Variants in EFCAB6 observed in about 807,000 individuals in gnomAD.
The protein encoded by EFCAB6 is EF-hand calcium binding domain 6.
EFCAB6 carries 156 observed loss-of-function variants against 169.8 expected under a neutral mutation model. The ratio of observed to expected loss-of-function variants is 0.92; its 90% confidence interval spans 0.81 to 1.05. The LOEUF (loss-of-function observed/expected upper bound fraction) is 1.05. Among genes scored for constraint, EFCAB6 ranks in the 50% least tolerant of loss-of-function variants. The pLI, the probability that EFCAB6 is intolerant of heterozygous loss-of-function variation, is 0.00. For synonymous variants in EFCAB6, 698 were observed against 676.4 expected (o/e 1.03, Z -0.50); for missense variants, 1,800 against 1,829.1 (o/e 0.98, Z 0.29).
chr22:43,635,110 C>A lies in EFCAB6; in HGVS notation c.2090G>T (p.Gly697Val), dbSNP rs763425686. The change falls in exon 18 of 32, where the codon GGA becomes GTA. Residue 697 changes from glycine to valine, a missense_variant. By Grantham distance (109) the Gly-to-Val change is moderately radical (BLOSUM62 -3). Coordinates refer to ENST00000262726, the MANE Select transcript of EFCAB6 (RefSeq NM_022785.4). ...ACTTGGCCATTAGCTACCTTCAAATCCTGCTGCAAAATCAAGATAGCTCAT... is the reference window on the plus strand; with the variant it reads ...ACTTGGCCATTAGCTACCTTCAAATACTGCTGCAAAATCAAGATAGCTCAT... ...EGMSYLDFAA[G>V]FEDPPMRGPE... The A allele has an allele frequency of 1.2e-6, 2 of 1,614,054 alleles. No individual in the cohort carries two copies. Among genetic ancestry groups the A allele is most frequent in the Admixed American group, 1.7e-5 (1 of 60,010 alleles).
In EFCAB6 at chr22:43,677,969, C is replaced by A; in HGVS notation, c.1419+27G>T. The A allele has an allele frequency of 2.5e-6, 4 of 1,589,028 alleles. No homozygotes were observed. In the South Asian group the frequency reaches 3.4e-5, roughly 14 times the overall value. On this transcript the variant is annotated intron_variant, in intron 13 of 31. Transcript: ENST00000262726. ...AAATTTCCCAACATAAAGAGAAAACCAAACAGGAAGTTGTTACAAAACTCA... is the reference window on the plus strand; with the variant it reads ...AAATTTCCCAACATAAAGAGAAAACAAAACAGGAAGTTGTTACAAAACTCA...
chr22:43,806,178 G>C, intron 2 of EFCAB6, among the ~76,000 whole-genome samples: 1 of 86,250 alleles, frequency 1.2e-5, no homozygotes, highest in Non-Finnish European at 2.6e-5. Flanking sequence ...GAAAAGAGAG[G>C]AGAGGAGGGG....
chr22:43,671,284 C>G (rs1220194824), intron 15 of EFCAB6, among the ~76,000 whole-genome samples: 1 of 152,164 alleles, frequency 6.6e-6, no homozygotes, highest in Admixed American at 6.5e-5. Context: ...TCACTGCAAC[C>G]TCCGCCTCCC....
chr22:43,717,966 T>C (rs943936174), intron 8 of EFCAB6, among the ~76,000 whole-genome samples: 6 of 152,200 alleles, frequency 3.9e-5, no homozygotes, highest in African/African-American at 1.4e-4. Context: ...AAATGTTCTT[T>C]GCTATATATT....
chr22:43,792,466 G>C (rs997972238), intron 2 of EFCAB6, among the ~76,000 whole-genome samples: 1 of 152,182 alleles, frequency 6.6e-6, no homozygotes. Context: ...TATCTGTGTA[G>C]CTGAAATAAT....
Position 43,804,586 on chromosome 22 carries a change from C to T in EFCAB6, c.-8+4409G>A, listed in dbSNP as rs140925374. 2.9e-3 allele frequency among the ~76,000 whole-genome samples: 436 copies of T among 151,978 alleles called. 4 individuals are homozygous for T. The highest frequency in any genetic ancestry group is 9.8e-3 in the African/African-American group (408 of 41,432). The stretch of plus-strand genomic sequence containing the variant: ...CCAGCCTGGGCAATATGGCAAGATC[C>T]CATTTCTACAAAAACTTTTTTTAAA... On this transcript the variant is annotated intron_variant, in intron 2 of 31. Transcript: ENST00000262726.
chr22:43,600,439 G>A (rs761362780), intron 22 of EFCAB6, among the ~76,000 whole-genome samples, 176 bp from the exon 23 acceptor site: 8 of 152,110 alleles, frequency 5.3e-5, no homozygotes, highest in East Asian at 1.9e-4. Context: ...CTGGAAATGC[G>A]TGAGTTCAGG....
At chr22:43,736,828 C>A (rs567331727) in intron 6 of EFCAB6, among the ~76,000 whole-genome samples, 1 of 152,182 alleles carries the variant, frequency 6.6e-6, no homozygotes, top group East Asian at 1.9e-4. Context: ...ACACTCCACA[C>A]CTTGTTATTA....
At position 43,772,955 on chromosome 22, in the gene EFCAB6, TCTC is replaced by T. The variant is rs1460050465; in HGVS notation, c.285_287del (p.Arg97del). ...GCATCAGGAAGTCTGTGATGATTCTTCTCAGTTCACTTTTTGACACAGTCAAGT... is the reference window on the plus strand; with the variant it reads ...GCATCAGGAAGTCTGTGATGATTCTTAGTTCACTTTTTGACACAGTCAAGT... On this transcript the variant is annotated inframe_deletion, in exon 4 of 32. Transcript: ENST00000262726. 4 of 1,614,092 alleles carry T rather than the reference TCTC, an allele frequency of 2.5e-6. No homozygotes were observed. In the African/African-American group the frequency reaches 5.3e-5, roughly 22 times the overall value.
At chr22:43,742,599 G>A (rs928491326) in intron 6 of EFCAB6, among the ~76,000 whole-genome samples, 2 of 152,246 alleles carry the variant, frequency 1.3e-5, no homozygotes, top group African/African-American at 4.8e-5. Context: ...AAATGGGCCT[G>A]CATGGTCCCA....
intron 3 of EFCAB6, among the ~76,000 whole-genome samples, chr22:43,776,950 G>A (rs181005125): frequency 6.6e-6 from 1 of 152,306 alleles, no homozygotes; most frequent in African/African-American, 2.4e-5. Flanking sequence ...AAATGAGGAA[G>A]AGAGACAAGA....
intron 27 of EFCAB6, among the ~76,000 whole-genome samples, chr22:43,548,792 A>T (rs1260997999): frequency 1.3e-5 from 2 of 152,132 alleles, no homozygotes; most frequent in Non-Finnish European, 2.9e-5. Context: ...ATAAATAACA[A>T]GCTTTTACTC....
chr22:43,607,055 G>T (rs1392197013), intron 22 of EFCAB6, among the ~76,000 whole-genome samples: 1 of 152,104 alleles, frequency 6.6e-6, no homozygotes, highest in African/African-American at 2.4e-5. Context: ...CTAAACCGCA[G>T]CTCTGTTCAC....
chr22:43,604,525 AT>A (rs1378898774), intron 22 of EFCAB6, among the ~76,000 whole-genome samples: 1 of 152,138 alleles, frequency 6.6e-6, no homozygotes, highest in African/African-American at 2.4e-5. Flanking sequence ...ATCCCACTGA[AT>A]CTTCCCATTT....
chr22:43,740,112 G>C (rs2147731434), intron 6 of EFCAB6, among the ~76,000 whole-genome samples: 1 of 152,158 alleles, frequency 6.6e-6, no homozygotes, highest in African/African-American at 2.4e-5. Flanking sequence ...CTTCTGCCTG[G>C]AACATTCTTC....
rs1431230288 is a variant in EFCAB6 at position 43,541,436 on chromosome 22, C to T, written c.3649-1079G>A. On this transcript the variant is annotated intron_variant, in intron 27 of 31. Coordinates refer to ENST00000262726, the MANE Select transcript of EFCAB6 (RefSeq NM_022785.4). ...CTTGCAGGAGGTGACAAGGACAGTA[C>T]AGTGAGGTCCCTGCACCCTTCCTGC... is the stretch of plus-strand genomic sequence containing the variant. Among the ~76,000 whole-genome samples the T allele has an allele frequency of 5.3e-5, 8 of 152,140 alleles. No homozygotes were observed. The East Asian group carries it at 1.3e-3, about 26-fold the overall frequency.
intron 26 of EFCAB6, among the ~76,000 whole-genome samples, chr22:43,560,208 T>G (rs1345362197): frequency 6.6e-6 from 1 of 152,186 alleles, no homozygotes; most frequent in East Asian, 1.9e-4. Flanking sequence ...AAAATCTCAA[T>G]GGATATTTGG....
chr22:43,693,403 T>G (rs1227741706), intron 10 of EFCAB6, among the ~76,000 whole-genome samples: 1 of 151,310 alleles, frequency 6.6e-6, no homozygotes, highest in Non-Finnish European at 1.5e-5. Flanking sequence ...CTGAGGAACA[T>G]TCTTTAAAAT....
intron 25 of EFCAB6, among the ~76,000 whole-genome samples, chr22:43,578,635 AT>A (rs1241026739): frequency 2.0e-5 from 3 of 152,048 alleles, no homozygotes; most frequent in Non-Finnish European, 4.4e-5. Flanking sequence ...CACAAGCATC[AT>A]TCCATACATG....
Sources: gnomAD v4.1 joint callset for allele counts (sites outside exome capture counted in the v4.1 genomes callset) on GRCh38, gnomAD v4.1.1 for gene constraint, MANE v1.5 for transcripts, NCBI Gene and HGNC (gene_info 2026-07-23, HGNC 2026-07-21) for gene names.